Variants in ELK3 observed in about 807,000 individuals in gnomAD.
ELK3 encodes ETS domain-containing protein Elk-3.
Under a neutral mutation model 28.9 loss-of-function variants are expected in ELK3, and 10 were observed. The observed-to-expected ratio is 0.35, with a 90% CI of 0.21 to 0.59. The LOEUF (loss-of-function observed/expected upper bound fraction) is 0.59. ELK3 is among the 20% of genes least tolerant of loss of function. The pLI is 0.82. For synonymous variants in ELK3, 272 were observed against 243.5 expected (o/e 1.12, Z -1.09); for missense variants, 463 against 517.3 (o/e 0.90, Z 1.02).
chr12:96,218,133 C>G (rs1259865803), intron 1 of ELK3, among the ~76,000 whole-genome samples: 1 of 152,066 alleles, frequency 6.6e-6, no homozygotes, highest in South Asian at 2.1e-4. Context: ...GGTGGTTTTG[C>G]CCTCTGGAGT....
intron 1 of ELK3, chr12:96,222,693 C>G (rs1294969838): frequency 6.6e-6 from 1 of 152,210 alleles, no homozygotes; most frequent in East Asian, 1.9e-4. Context: ...GAGAGATATT[C>G]CAGGCACCTG....
At chr12:96,215,879 C>A (rs553108432) in intron 1 of ELK3, among the ~76,000 whole-genome samples, 18 of 152,248 alleles carry the variant, frequency 1.2e-4, no homozygotes, top group African/African-American at 4.1e-4. Context: ...AGCGATCCAC[C>A]CACCTCGGCC....
At chr12:96,238,469 T>G (rs1213515901) in intron 2 of ELK3, among the ~76,000 whole-genome samples, 1 of 152,202 alleles carries the variant, frequency 6.6e-6, no homozygotes, top group East Asian at 1.9e-4. Context: ...CCTGTGCCCT[T>G]GTGTGAGCTG....
intron 1 of ELK3, among the ~76,000 whole-genome samples, chr12:96,215,608 G>A (rs993431027): frequency 1.0e-4 from 15 of 147,318 alleles, no homozygotes; most frequent in African/African-American, 3.7e-4. Flanking sequence ...ACATGGGAAA[G>A]ACTAAAGAGG....
chr12:96,261,617 A>G (rs1398825152), intron 4 of ELK3, among the ~76,000 whole-genome samples: 1 of 152,188 alleles, frequency 6.6e-6, no homozygotes, highest in African/African-American at 2.4e-5. Flanking sequence ...TGTAGAGTTC[A>G]GTAGGTATTT....
intron 3 of ELK3, among the ~76,000 whole-genome samples, chr12:96,251,868 C>T (rs751149989): frequency 6.6e-6 from 1 of 152,208 alleles, no homozygotes; most frequent in Non-Finnish European, 1.5e-5. Flanking sequence ...GGTGAAGCAG[C>T]GAGTGCTAAT....
In ELK3 at chr12:96,247,159, T is replaced by C. The variant is rs758289104; in HGVS notation, c.427T>C (p.Tyr143His). 1.9e-6 allele frequency: 3 copies of C among 1,613,884 alleles called. No homozygotes were observed. The highest frequency in any genetic ancestry group is 1.7e-5 in the Admixed American group (1 of 60,006). The change falls in exon 3 of 5, where the codon TAC (tyrosine) becomes CAC (histidine). Residue 143 changes from tyrosine to histidine, a missense_variant. Tyr to His is a moderately conservative substitution (Grantham distance 83). Coordinates refer to ENST00000228741, the MANE Select transcript of ELK3 (RefSeq NM_005230.4). The surrounding 1 kb of genome is among the most constrained non-coding windows in gnomAD (Gnocchi z 5.5). ...SRNEYIHSGL[Y>H]SSFTINSLQN... Reference sequence around the variant, plus strand: ...CAACGAATACATCCACTCAGGCCTGTACTCGTCCTTCACCATTAATTCCCT... The same window carrying C: ...CAACGAATACATCCACTCAGGCCTGCACTCGTCCTTCACCATTAATTCCCT...
chr12:96,240,165 A>G (rs1175594188), intron 2 of ELK3, among the ~76,000 whole-genome samples: 3 of 152,250 alleles, frequency 2.0e-5, no homozygotes, highest in Non-Finnish European at 4.4e-5. Flanking sequence ...CAGTTGAGAT[A>G]TGTAAACCAG....
intron 2 of ELK3, among the ~76,000 whole-genome samples, chr12:96,234,398 G>A (rs1951765709): frequency 6.6e-6 from 1 of 152,178 alleles, no homozygotes; most frequent in Non-Finnish European, 1.5e-5. Context: ...GCCAGCATGA[G>A]CGTTCCTGCT....
chr12:96,240,574 T>A (rs1951813855), intron 2 of ELK3, among the ~76,000 whole-genome samples: 1 of 152,114 alleles, frequency 6.6e-6, no homozygotes. Flanking sequence ...AAGTGGGTAT[T>A]TATTGGAAAG....
intron 1 of ELK3, among the ~76,000 whole-genome samples, chr12:96,220,036 TC>T (rs148163914): frequency 0.017 from 2,640 of 152,238 alleles, 73 homozygotes; most frequent in African/African-American, 0.061. Flanking sequence ...CCTCTGATGA[TC>T]CCCTGTGCCT....
chr12:96,200,809 T>C (rs964531467), intron 1 of ELK3, among the ~76,000 whole-genome samples: 4 of 152,196 alleles, frequency 2.6e-5, no homozygotes, highest in Non-Finnish European at 4.4e-5. Context: ...ATCATAGGCA[T>C]ATGCCACCAT....
At chr12:96,244,854 C>T (rs761188457) in intron 2 of ELK3, among the ~76,000 whole-genome samples, 4 of 152,124 alleles carry the variant, frequency 2.6e-5, no homozygotes, top group Admixed American at 6.5e-5. Flanking sequence ...CCAGGGCACT[C>T]GGCAGAGACG....
chr12:96,235,331 C>G (rs542301373), intron 2 of ELK3, among the ~76,000 whole-genome samples: 1 of 151,898 alleles, frequency 6.6e-6, no homozygotes, highest in African/African-American at 2.4e-5. Context: ...TGGTGATGGC[C>G]GTGTCTGTTC....
At chr12:96,239,112 C>A (rs984303560) in intron 2 of ELK3, among the ~76,000 whole-genome samples, 7 of 152,260 alleles carry the variant, frequency 4.6e-5, no homozygotes, top group African/African-American at 1.7e-4. Flanking sequence ...ACAAGTAATA[C>A]ATATCAAATA....
intron 1 of ELK3, among the ~76,000 whole-genome samples, chr12:96,218,784 G>A (rs1397357677): frequency 6.6e-6 from 1 of 151,820 alleles, no homozygotes; most frequent in East Asian, 1.9e-4. Context: ...GAGTAGCTGG[G>A]ACCACAGGCG....
rs1951445187 is a variant in ELK3 at position 96,194,386 on chromosome 12, C to T, written c.-322C>T. On this transcript the variant is annotated 5_prime_UTR_variant, in exon 1 of 5. Transcript: ENST00000228741. Reference sequence around the variant, plus strand: ...GCGGCGGGGGAGGCGCGGGCCTGGGCGGCCAGCCCCGGCGCACAGCCGCGG... The same window carrying T: ...GCGGCGGGGGAGGCGCGGGCCTGGGTGGCCAGCCCCGGCGCACAGCCGCGG... 6.9e-6 allele frequency: 1 copy of T among 145,708 alleles called. No individual in the cohort carries two copies. The highest frequency in any genetic ancestry group is 2.1e-4 in the South Asian group (1 of 4,840). The allele number at this position is 145,708 out of a possible 1,614,324, so 9.0% of individuals were successfully genotyped here. A position where few individuals can be genotyped will look rare whatever the true frequency, so the allele number is the denominator to read the frequency against.
Position 96,267,206 on chromosome 12 carries a change from C to A in ELK3, c.*26C>A. ...TGACGTCTGGCCACAATTAAGGACT[C>A]ATTAACTGATGAAACAAATTTGTCC... On this transcript the variant is annotated 3_prime_UTR_variant, in exon 5 of 5. Coordinates refer to ENST00000228741, the MANE Select transcript of ELK3 (RefSeq NM_005230.4). 1 of 1,594,742 alleles carries A rather than the reference C, an allele frequency of 6.3e-7. No homozygotes were observed. The highest frequency in any genetic ancestry group is 1.3e-5 in the African/African-American group (1 of 74,548).
At chr12:96,261,501 G>C (rs1201874728) in intron 4 of ELK3, among the ~76,000 whole-genome samples, 1 of 152,172 alleles carries the variant, frequency 6.6e-6, no homozygotes, top group African/African-American at 2.4e-5. Context: ...TAGAGCAGCA[G>C]AATTCTAAAA....
Sources: gnomAD v4.1 joint callset for allele counts (sites outside exome capture counted in the v4.1 genomes callset) on GRCh38, gnomAD v4.1.1 for gene constraint, Gnocchi (gnomAD v3.1) non-coding constraint, MANE v1.5 for transcripts, NCBI Gene and HGNC (gene_info 2026-07-23, HGNC 2026-07-21) for gene names.